ABCC1: variants seen among roughly 807,000 people sequenced by gnomAD.
The protein encoded by ABCC1 is multidrug resistance-associated protein 1.
A neutral mutation model predicts 172.9 loss-of-function variants in ABCC1; 83 were observed. That is an observed-to-expected ratio of 0.48 (90% CI 0.40 to 0.58). The LOEUF is 0.58. ABCC1 is among the 20% of genes least tolerant of loss of function. The pLI, the probability that ABCC1 is intolerant of heterozygous loss-of-function variation, is 0.00. For synonymous variants in ABCC1, 937 were observed against 825.2 expected (o/e 1.14, Z -2.32); for missense variants, 1,817 against 2,002.7 (o/e 0.91, Z 1.77).
At chr16:16,069,612 C>G (rs1032642981) in intron 13 of ABCC1, among the ~76,000 whole-genome samples, 15 of 151,664 alleles carry the variant, frequency 9.9e-5, no homozygotes, top group African/African-American at 3.6e-4. Context: ...TTTGGTAGTA[C>G]AAGGCTGATA....
At chr16:16,071,963 G>T (rs1186897332) in intron 14 of ABCC1, among the ~76,000 whole-genome samples, 2 of 152,116 alleles carry the variant, frequency 1.3e-5, no homozygotes, top group Non-Finnish European at 2.9e-5. Context: ...ACTTGCACTT[G>T]CATTTTTGTT....
chr16:16,092,592 T>C (rs2051300072), intron 19 of ABCC1, among the ~76,000 whole-genome samples: 2 of 152,242 alleles, frequency 1.3e-5, no homozygotes. Context: ...ATTGTGCAGA[T>C]AGACCATACT....
At chr16:16,027,347 C>T (rs1252321435) in intron 5 of ABCC1, among the ~76,000 whole-genome samples, 4 of 152,112 alleles carry the variant, frequency 2.6e-5, no homozygotes, top group Non-Finnish European at 4.4e-5. Flanking sequence ...ATTTATAATA[C>T]ATAAATGAAT....
chr16:16,133,248 G>T (rs758258149), intron 27 of ABCC1, among the ~76,000 whole-genome samples: 1 of 152,174 alleles, frequency 6.6e-6, no homozygotes, highest in East Asian at 1.9e-4. Context: ...TTTCACCTCT[G>T]AACATATGGA....
intron 1 of ABCC1, among the ~76,000 whole-genome samples, chr16:15,961,803 G>A (rs930710213): frequency 1.0e-4 from 14 of 138,654 alleles, no homozygotes; most frequent in African/African-American, 3.5e-4. Flanking sequence ...AACAAGCCAC[G>A]CATTTGCCTG....
At chr16:16,044,217 T>C (rs1262587896) in intron 7 of ABCC1, among the ~76,000 whole-genome samples, 2 of 152,226 alleles carry the variant, frequency 1.3e-5, no homozygotes, top group Admixed American at 1.3e-4. Flanking sequence ...TTAAGGACCT[T>C]GTCTGAAGTC....
chr16:16,036,880 C>T (rs928709298), intron 7 of ABCC1, among the ~76,000 whole-genome samples: 2 of 152,074 alleles, frequency 1.3e-5, no homozygotes, highest in South Asian at 2.1e-4. Context: ...CCAAGGCAGG[C>T]GGATCACTTG....
rs1159943554 is a variant in ABCC1 at position 16,068,369 on chromosome 16, AG to A, written c.1824+68del. ...GGGTTCTAGGCCACGAAAGCATGGA[AG>A]TGCCCCCGAGCGCAGCCTCTAGATC... On this transcript the variant is annotated intron_variant, in intron 13 of 30. Coordinates refer to ENST00000399410, the MANE Select transcript of ABCC1 (RefSeq NM_004996.4). 5 of 1,580,120 alleles carry A rather than the reference AG, an allele frequency of 3.2e-6. No homozygotes were observed. In the African/African-American group the frequency reaches 6.7e-5, roughly 21 times the overall value.
chr16:16,088,321 T>G (rs2051101066), intron 18 of ABCC1, among the ~76,000 whole-genome samples: 1 of 152,144 alleles, frequency 6.6e-6, no homozygotes, highest in African/African-American at 2.4e-5. Flanking sequence ...GATGCATGGC[T>G]GTAATCCCAG....
chr16:15,981,599 G>A (rs1454293079), intron 1 of ABCC1, among the ~76,000 whole-genome samples: 1 of 152,114 alleles, frequency 6.6e-6, no homozygotes, highest in Admixed American at 6.5e-5. Context: ...AACTCCCTAG[G>A]CAGCACACAG....
chr16:15,995,349 C>A (rs950977691), intron 1 of ABCC1, among the ~76,000 whole-genome samples: 1 of 152,104 alleles, frequency 6.6e-6, no homozygotes, highest in African/African-American at 2.4e-5. Flanking sequence ...CAGAAGAAGG[C>A]GGCACAGGTT....
intron 1 of ABCC1, among the ~76,000 whole-genome samples, chr16:16,000,447 T>C (rs1356403214): frequency 1.3e-5 from 2 of 151,758 alleles, no homozygotes; most frequent in African/African-American, 2.4e-5. Flanking sequence ...GTCCAGCTTT[T>C]CTGACTCTTT....
intron 26 of ABCC1, among the ~76,000 whole-genome samples, chr16:16,127,880 C>T (rs2045502734): frequency 6.6e-6 from 1 of 151,090 alleles, no homozygotes; most frequent in South Asian, 2.1e-4. Flanking sequence ...TCCAACTTGA[C>T]ACTGAATTTA....
chr16:16,104,317 A>G (rs1270865951), intron 20 of ABCC1, among the ~76,000 whole-genome samples: 3 of 152,036 alleles, frequency 2.0e-5, no homozygotes, highest in African/African-American at 7.2e-5. Context: ...CAGAGAGCCG[A>G]TTGGTCTGTT....
At chr16:15,961,695 C>T (rs531992012) in intron 1 of ABCC1, among the ~76,000 whole-genome samples, 7 of 151,300 alleles carry the variant, frequency 4.6e-5, no homozygotes, top group Non-Finnish European at 7.4e-5. Flanking sequence ...GTCTCTTGTT[C>T]TCTTCACTTA....
chr16:16,071,027 C>G (rs371419342), intron 13 of ABCC1, among the ~76,000 whole-genome samples: 5 of 152,124 alleles, frequency 3.3e-5, no homozygotes, highest in Non-Finnish European at 5.9e-5. Flanking sequence ...TTTGCTGTTA[C>G]GTTTCCAGAG....
chr16:15,949,680 C>T lies in ABCC1; in HGVS notation c.-72C>T, dbSNP rs1436629204. ...GCCCGATCACCCGCCGCCCGGTGCC[C>T]GCCGCCGCCCGCGCCAGCAACCGGG... On this transcript the variant is annotated 5_prime_UTR_variant, in exon 1 of 31. Coordinates refer to ENST00000399410, the MANE Select transcript of ABCC1 (RefSeq NM_004996.4). 39 of 979,646 alleles carry T rather than the reference C, an allele frequency of 4.0e-5. No homozygotes were observed. In the East Asian group the frequency reaches 2.2e-3, roughly 54 times the overall value. 60.7% of individuals were successfully genotyped at this position (979,646 alleles called of 1,614,324 possible).
intron 19 of ABCC1, 152 bp downstream of exon 19, chr16:16,090,740 G>A (rs2051219709): frequency 2.4e-6 from 2 of 823,250 alleles, no homozygotes; most frequent in East Asian, 5.8e-5. Flanking sequence ...AAGAAGCAAT[G>A]TGGAAAACCA....
chr16:15,988,209 T>C (rs1025787110), intron 1 of ABCC1, among the ~76,000 whole-genome samples: 1 of 152,220 alleles, frequency 6.6e-6, no homozygotes, highest in Non-Finnish European at 1.5e-5. Context: ...TGAGCCACTG[T>C]GCCTGGCTCA....
Sources: allele counts gnomAD v4.1 joint callset (sites outside exome capture counted in the v4.1 genomes callset), GRCh38; gene constraint gnomAD v4.1.1; transcripts MANE v1.5; gene names NCBI Gene and HGNC (gene_info 2026-07-23, HGNC 2026-07-21).